Variants in FBXL7 observed in about 807,000 individuals in gnomAD.
The protein encoded by FBXL7 is F-box and leucine rich repeat protein 7.
A neutral mutation model predicts 38.3 loss-of-function variants in FBXL7; 12 were observed. The ratio of observed to expected loss-of-function variants is 0.31; its 90% CI spans 0.20 to 0.51. The LOEUF is 0.51. Among genes scored for constraint, FBXL7 ranks in the 20% least tolerant of loss-of-function variants. The probability of loss-of-function intolerance (pLI) is 0.98; values close to 1 mark genes in which losing one functional copy is unlikely to be tolerated. For synonymous variants in FBXL7, 297 were observed against 300.9 expected (o/e 0.99, Z 0.13); for missense variants, 567 against 676.4 (o/e 0.84, Z 1.79).
At chr5:15,642,730 A>AT (rs1741408015) in intron 2 of FBXL7, among the ~76,000 whole-genome samples, 2 of 152,148 alleles carry the variant, frequency 1.3e-5, no homozygotes, top group Non-Finnish European at 1.5e-5. Context: ...GCCAACGGGG[A>AT]AGCAGGGTAG....
chr5:15,691,215 A>G (rs535685536), intron 2 of FBXL7, among the ~76,000 whole-genome samples: 1 of 152,262 alleles, frequency 6.6e-6, no homozygotes, highest in East Asian at 1.9e-4. Context: ...AGGTTTCCCC[A>G]CCACCTTTCA....
At chr5:15,696,716 T>G (rs1743349202) in intron 2 of FBXL7, among the ~76,000 whole-genome samples, 2 of 152,178 alleles carry the variant, frequency 1.3e-5, no homozygotes, top group Admixed American at 1.3e-4. Context: ...TCAAAATAGT[T>G]TCAGTGCTGA....
chr5:15,635,632 T>G (rs2126547811), intron 2 of FBXL7, among the ~76,000 whole-genome samples: 1 of 152,244 alleles, frequency 6.6e-6, no homozygotes, highest in South Asian at 2.1e-4. Flanking sequence ...TGGAGGGAGC[T>G]TAGGGCTTTT....
chr5:15,836,765 T>C (rs1388917989), intron 2 of FBXL7, among the ~76,000 whole-genome samples: 1 of 152,180 alleles, frequency 6.6e-6, no homozygotes, highest in Non-Finnish European at 1.5e-5. Flanking sequence ...CAGAGGGTAA[T>C]GTGACTGGCC....
chr5:15,547,701 C>T (rs1172815602), intron 1 of FBXL7, among the ~76,000 whole-genome samples: 3 of 152,130 alleles, frequency 2.0e-5, no homozygotes, highest in Admixed American at 2.0e-4. Flanking sequence ...GCCTGCTGGG[C>T]TAAAGCACTG....
chr5:15,761,005 C>G (rs917922776), intron 2 of FBXL7, among the ~76,000 whole-genome samples: 7 of 151,586 alleles, frequency 4.6e-5, no homozygotes, highest in Non-Finnish European at 1.0e-4. Flanking sequence ...ACGAATATTG[C>G]ATGAATGGGA....
chr5:15,664,692 G>A (rs549706377), intron 2 of FBXL7, among the ~76,000 whole-genome samples: 3 of 151,654 alleles, frequency 2.0e-5, no homozygotes, highest in South Asian at 4.2e-4. Context: ...GGATTGTCTC[G>A]ATCTCTTGAC....
At chr5:15,927,764 TAAAA>T (rs753935096) in intron 2 of FBXL7, 122 bp from the exon 3 acceptor site, 9,783 of 455,884 alleles carry the variant, frequency 0.021, 57 homozygotes, top group East Asian at 0.033. Context: ...GACAAGATCT[TAAAA>T]AAAAAAAAAA....
At chr5:15,828,567 A>C (rs1027798548) in intron 2 of FBXL7, among the ~76,000 whole-genome samples, 1 of 152,192 alleles carries the variant, frequency 6.6e-6, no homozygotes, top group Non-Finnish European at 1.5e-5. Flanking sequence ...TTCTCTATTA[A>C]TTGAACACCT....
At chr5:15,606,956 C>T (rs1312669317) in intron 1 of FBXL7, 1 of 152,122 alleles carries the variant, frequency 6.6e-6, no homozygotes, top group Admixed American at 6.5e-5. Flanking sequence ...CTAATATGCA[C>T]CTGGGCCAGG....
chr5:15,502,391 A>G (rs959951385), intron 1 of FBXL7, among the ~76,000 whole-genome samples: 1 of 152,168 alleles, frequency 6.6e-6, no homozygotes, highest in Non-Finnish European at 1.5e-5. Flanking sequence ...TTGGGAGAGA[A>G]AAGGAGAGAC....
At chr5:15,582,934 TG>T (rs943976772) in intron 1 of FBXL7, among the ~76,000 whole-genome samples, 10 of 146,018 alleles carry the variant, frequency 6.8e-5, no homozygotes, top group African/African-American at 1.6e-4. Flanking sequence ...CCTTGGCTCA[TG>T]TTTTTTTTTT....
chr5:15,559,940 G>A (rs1479403694), intron 1 of FBXL7, among the ~76,000 whole-genome samples: 5 of 152,132 alleles, frequency 3.3e-5, no homozygotes, highest in East Asian at 3.9e-4. Context: ...CCAGTTACAC[G>A]CAATCACTTT....
intron 2 of FBXL7, among the ~76,000 whole-genome samples, chr5:15,868,280 G>A (rs1739806155): frequency 6.6e-6 from 1 of 152,140 alleles, no homozygotes; most frequent in African/African-American, 2.4e-5. Context: ...GAAGATAAAT[G>A]AGTTTGCCTC....
chr5:15,555,814 G>C (rs1333649277), intron 1 of FBXL7, among the ~76,000 whole-genome samples: 1 of 151,576 alleles, frequency 6.6e-6, no homozygotes, highest in African/African-American at 2.4e-5. Context: ...TAGATAGATA[G>C]ATAGATAGGT....
intron 1 of FBXL7, among the ~76,000 whole-genome samples, chr5:15,533,458 A>G (rs1737484430): frequency 6.6e-6 from 1 of 152,180 alleles, no homozygotes; most frequent in Admixed American, 6.5e-5. Flanking sequence ...AGTTTCAGAG[A>G]AACTGAAATT....
intron 2 of FBXL7, among the ~76,000 whole-genome samples, chr5:15,693,659 C>G (rs988377092): frequency 6.6e-6 from 1 of 152,160 alleles, no homozygotes; most frequent in African/African-American, 2.4e-5. Context: ...CCCTAGCGGA[C>G]ACACGCATAA....
intron 2 of FBXL7, among the ~76,000 whole-genome samples, chr5:15,721,871 G>C (rs1440255838): frequency 2.0e-5 from 3 of 152,018 alleles, no homozygotes; most frequent in Non-Finnish European, 4.4e-5. Context: ...GTCTCGCTCT[G>C]TCGCCCAGGC....
chr5:15,906,570 A>G (rs371471161), intron 2 of FBXL7, among the ~76,000 whole-genome samples: 5 of 142,542 alleles, frequency 3.5e-5, no homozygotes, highest in South Asian at 2.3e-4. Context: ...TATTGTGCAG[A>G]TTAGTTACAT....
Sources: gnomAD v4.1 joint callset for allele counts (sites outside exome capture counted in the v4.1 genomes callset) on GRCh38, gnomAD v4.1.1 for gene constraint, MANE v1.5 for transcripts, NCBI Gene and HGNC (gene_info 2026-07-23, HGNC 2026-07-21) for gene names.